RHBDF2: variants seen among roughly 807,000 people sequenced by gnomAD.
The protein encoded by RHBDF2 is rhomboid 5 homolog 2.
A neutral mutation model predicts 95.2 loss-of-function variants in RHBDF2; 38 were observed. The ratio of observed to expected loss-of-function variants is 0.40; its 90% confidence interval spans 0.31 to 0.52. The LOEUF (loss-of-function observed/expected upper bound fraction) is 0.52. Ranked by LOEUF, RHBDF2 falls within the 20% of genes least tolerant of loss-of-function variation. The pLI is 0.56. For synonymous variants in RHBDF2, 442 were observed against 462.0 expected (o/e 0.96, Z 0.55); for missense variants, 863 against 1,137.7 (o/e 0.76, Z 3.47).
chr17:76,486,162 G>A (rs1362681426), intron 2 of RHBDF2, among the ~76,000 whole-genome samples: 2 of 152,028 alleles, frequency 1.3e-5, no homozygotes, highest in East Asian at 1.9e-4. Context: ...AGGCTAGAGC[G>A]CAGTGGTGCG....
Position 76,476,930 on chromosome 17 carries a change from G to A in RHBDF2, c.1015C>T (p.His339Tyr), listed in dbSNP as rs1242449209. 1 of 1,613,796 alleles carries A rather than the reference G, an allele frequency of 6.2e-7. No homozygotes were observed. The highest frequency in any genetic ancestry group is 1.3e-5 in the African/African-American group (1 of 74,954). The change falls in exon 9 of 19, where the codon CAC becomes TAC. Residue 339 changes from histidine to tyrosine, a missense_variant. Coordinates refer to ENST00000675367, the MANE Select transcript of RHBDF2 (RefSeq NM_001005498.4). ...TTGCCCACCACGCCGAGGCCGTAGTGCCGCTTCTTCCGATCAAAGGCAAAG... is the reference window on the plus strand; with the variant it reads ...TTGCCCACCACGCCGAGGCCGTAGTACCGCTTCTTCCGATCAAAGGCAAAG... ...KHFAFDRKKR[H>Y]YGLGVVGNWL...
intron 1 of RHBDF2, among the ~76,000 whole-genome samples, chr17:76,498,406 T>C (rs2074483174): frequency 6.6e-6 from 1 of 152,090 alleles, no homozygotes; most frequent in South Asian, 2.1e-4. Context: ...GGCACAGAGA[T>C]CTGAGGAGAG....
rs2073805528 is a variant in RHBDF2 at position 76,477,314 on chromosome 17, A to G, written c.802-16T>C. 1 of 1,610,048 alleles carries G rather than the reference A, an allele frequency of 6.2e-7. No individual in the cohort carries two copies. Among genetic ancestry groups the G allele is most frequent in the Non-Finnish European group, 8.5e-7 (1 of 1,178,552 alleles). On this transcript the variant is annotated splice_polypyrimidine_tract_variant and intron_variant, in intron 7 of 18. Coordinates refer to ENST00000675367, the MANE Select transcript of RHBDF2 (RefSeq NM_001005498.4). ...TCATTTCTTCCTGGGGTGGGGGACAAGAAAATACAGTGTAAGGAGTCTGTC... is the reference window on the plus strand; with the variant it reads ...TCATTTCTTCCTGGGGTGGGGGACAGGAAAATACAGTGTAAGGAGTCTGTC...
chr17:76,473,605 G>T (rs770029904), intron 15 of RHBDF2, 43 bp downstream of exon 15: 7 of 1,513,258 alleles, frequency 4.6e-6, no homozygotes, highest in Non-Finnish European at 5.4e-6. Flanking sequence ...CCGCAGCTCG[G>T]GGGGGCAGTG....
In RHBDF2 at chr17:76,489,125, C is replaced by T. The variant is rs117843688; in HGVS notation, c.-219-1216G>A. On this transcript the variant is annotated intron_variant, in intron 1 of 18. Coordinates refer to ENST00000675367, the MANE Select transcript of RHBDF2 (RefSeq NM_001005498.4). ...TGGGTGACAGAGCAAGACTCCGTCT[C>T]GAAACAAAACAAAACAAAACAAAAG... 4.7e-5 allele frequency among the ~76,000 whole-genome samples: 6 copies of T among 127,296 alleles called. No individual in the cohort carries two copies. In the East Asian group the frequency reaches 1.1e-3, roughly 23 times the overall value. The allele number at this position is 127,296 out of a possible 152,430, so 83.5% of individuals were successfully genotyped here.
chr17:76,481,679 G>A, intron 2 of RHBDF2, 134 bp from the exon 3 acceptor site: 1 of 774,772 alleles, frequency 1.3e-6, no homozygotes, highest in Admixed American at 2.9e-5. Flanking sequence ...GGGCGGCTGG[G>A]CGCGGTGGCT....
chr17:76,476,671 C>G (rs546192232), intron 9 of RHBDF2, 159 bp downstream of exon 9: 6 of 1,134,852 alleles, frequency 5.3e-6, no homozygotes, highest in African/African-American at 3.1e-5. Context: ...TGTGCACAAC[C>G]CTTGGGACAG....
chr17:76,474,003 C>T, intron 13 of RHBDF2, 30 bp downstream of exon 13: 1 of 1,604,954 alleles, frequency 6.2e-7, no homozygotes, highest in Non-Finnish European at 8.5e-7. Flanking sequence ...ATGCCTGACC[C>T]TGAGGCCCAG....
Position 76,476,708 on chromosome 17 carries a change from C to A in RHBDF2, c.1115+122G>T, listed in dbSNP as rs926225835. ...GTGCGCCTTCGAGCTTGTCACTACA[C>A]TCCTGATCCGCAGAAGATGCTCATG... is the stretch of plus-strand genomic sequence containing the variant. On this transcript the variant is annotated intron_variant, in intron 9 of 18. Coordinates refer to ENST00000675367, the MANE Select transcript of RHBDF2 (RefSeq NM_001005498.4). 5.0e-6 allele frequency: 7 copies of A among 1,409,302 alleles called. No homozygotes were observed. In the Admixed American group the frequency reaches 1.2e-4, roughly 25 times the overall value. 87.3% of individuals were successfully genotyped at this position (1,409,302 alleles called of 1,614,324 possible). A position where few individuals can be genotyped will look rare whatever the true frequency, so the allele number is the denominator to read the frequency against.
At chr17:76,481,245 A>C in intron 3 of RHBDF2, 130 bp downstream of exon 3, 1 of 1,087,372 alleles carries the variant, frequency 9.2e-7, no homozygotes, top group South Asian at 1.6e-5. Flanking sequence ...GGCCCGAGTC[A>C]AGGGCTGCAC....
chr17:76,491,991 C>T (rs887626442), intron 1 of RHBDF2, among the ~76,000 whole-genome samples: 31 of 152,336 alleles, frequency 2.0e-4, no homozygotes, highest in Admixed American at 4.6e-4. Context: ...TCACATCCGC[C>T]GCTCTCTCTC....
At chr17:76,499,802 C>G (rs1014939689) in intron 1 of RHBDF2, among the ~76,000 whole-genome samples, 2 of 152,094 alleles carry the variant, frequency 1.3e-5, no homozygotes, top group Non-Finnish European at 2.9e-5. Context: ...TCTGCCCACC[C>G]TCCCAGCCCA....
At chr17:76,499,538 G>C (rs2074523944) in intron 1 of RHBDF2, among the ~76,000 whole-genome samples, 1 of 152,174 alleles carries the variant, frequency 6.6e-6, no homozygotes, top group South Asian at 2.1e-4. Context: ...CACCCCATCA[G>C]CAGCTGGGCC....
At chr17:76,473,791 T>C in intron 14 of RHBDF2, 48 bp downstream of exon 14, 1 of 1,611,822 alleles carries the variant, frequency 6.2e-7, no homozygotes, top group Non-Finnish European at 8.5e-7. Context: ...AGCAGGCAGG[T>C]CCCCCATCCC....
chr17:76,490,446 C>T (rs1419436743), intron 1 of RHBDF2, among the ~76,000 whole-genome samples: 1 of 152,148 alleles, frequency 6.6e-6, no homozygotes, highest in African/African-American at 2.4e-5. Flanking sequence ...GGGACAGCTC[C>T]AGGACAACAG....
intron 1 of RHBDF2, among the ~76,000 whole-genome samples, chr17:76,493,647 C>G (rs575918053): frequency 6.6e-6 from 1 of 152,056 alleles, no homozygotes; most frequent in Non-Finnish European, 1.5e-5. Context: ...AGCTGTCTGT[C>G]TCCAGGAGCC....
chr17:76,482,289 G>A (rs925113591), intron 2 of RHBDF2, among the ~76,000 whole-genome samples: 1 of 151,720 alleles, frequency 6.6e-6, no homozygotes, highest in Non-Finnish European at 1.5e-5. Flanking sequence ...GAAACCTACT[G>A]TGCTGGTCCC....
chr17:76,474,342 G>A, intron 12 of RHBDF2, 31 bp downstream of exon 12: 1 of 1,601,550 alleles, frequency 6.2e-7, no homozygotes, highest in Non-Finnish European at 8.5e-7. Flanking sequence ...ACCAGGGTCT[G>A]GCAGGGGTAG....
At chr17:76,472,648 C>T (rs376365301) in intron 18 of RHBDF2, 38 bp downstream of exon 18, 1 of 1,613,328 alleles carries the variant, frequency 6.2e-7, no homozygotes, top group South Asian at 1.1e-5. Context: ...GGGCTGGCCC[C>T]CTATGTGCGG....
Sources: allele counts gnomAD v4.1 joint callset (sites outside exome capture counted in the v4.1 genomes callset), GRCh38; gene constraint gnomAD v4.1.1; transcripts MANE v1.5; gene names NCBI Gene and HGNC (gene_info 2026-07-23, HGNC 2026-07-21).